Variants in ENO3 observed in about 807,000 individuals in gnomAD.
The protein encoded by ENO3 is beta-enolase.
In ENO3, 46 loss-of-function variants were observed where a neutral mutation model predicts 47.7. The observed-to-expected ratio is 0.96, with a 90% CI of 0.76 to 1.23. The LOEUF (loss-of-function observed/expected upper bound fraction) is 1.23. Ranked by LOEUF, ENO3 falls within the 50% of genes most tolerant of loss-of-function variation. ENO3 has a pLI of 0.00. For missense variants in ENO3, 575 were observed against 566.2 expected (o/e 1.02, Z -0.16); for synonymous variants, 223 against 225.9 (o/e 0.99, Z 0.11).
At chr17:4,949,846 C>T (rs1971489526), upstream of ENO3, among the ~76,000 whole-genome samples, 2 of 152,168 alleles carry the variant, frequency 1.3e-5, no homozygotes, top group Admixed American at 1.3e-4. Context: ...CCTCGACAGC[C>T]GCGCGGCTGA....
intron 1 of ENO3, chr17:4,951,618 C>T (rs1971541521): frequency 3.4e-6 from 2 of 580,594 alleles, no homozygotes; most frequent in Non-Finnish European, 6.2e-6. Flanking sequence ...ATAAGAGGCC[C>T]CTGGATTCTT....
At chr17:4,951,995 C>T in intron 2 of ENO3, 81 bp downstream of exon 2, 1 of 1,443,312 alleles carries the variant, frequency 6.9e-7, no homozygotes. Flanking sequence ...GTGCCATATC[C>T]TCTCCTTTCT....
chr17:4,956,806 C>T, intron 10 of ENO3, 25 bp from the exon 11 acceptor site: 3 of 1,614,218 alleles, frequency 1.9e-6, no homozygotes, highest in South Asian at 1.1e-5. Flanking sequence ...TCACCTAACC[C>T]TCCAAATTCT....
In ENO3 at chr17:4,951,156, T is replaced by G; in HGVS notation, c.-29T>G. The G allele has an allele frequency of 2.0e-6, 2 of 989,626 alleles. No homozygotes were observed. Among genetic ancestry groups the G allele is most frequent in the Non-Finnish European group, 1.2e-6 (1 of 832,446 alleles). 61.3% of individuals were successfully genotyped at this position (989,626 alleles called of 1,614,324 possible). A position where few individuals can be genotyped will look rare whatever the true frequency, so the allele number is the denominator to read the frequency against. On this transcript the variant is annotated 5_prime_UTR_variant, in exon 1 of 12. Coordinates refer to ENST00000519602, the MANE Select transcript of ENO3 (RefSeq NM_053013.4). ...GCTGCCACCTAGACTCGGAGCTCCA[T>G]CCAAACCTCCAGCGAAGACATCCCA...
intron 2 of ENO3, 96 bp downstream of exon 2, chr17:4,952,010 G>A: frequency 7.2e-7 from 1 of 1,382,820 alleles, no homozygotes; most frequent in Non-Finnish European, 1.0e-6. Flanking sequence ...CTTTCTCTCG[G>A]GTTCCCTTTC....
Position 4,955,952 on chromosome 17 carries a change from C to T in ENO3, c.876C>T (p.Ile292=), listed in dbSNP as rs759470373. ...TCCAAACCCCACCAGTGGTCTCCAT[C>T]GAAGACCCCTTTGACCAGGATGACT... The part of the protein sequence containing the change: ...SFIKNYPVVS[I]EDPFDQDDWA... The change falls in exon 9 of 12, where the codon ATC becomes ATT. Residue 292 remains isoleucine, a synonymous_variant. Coordinates refer to ENST00000519602, the MANE Select transcript of ENO3 (RefSeq NM_053013.4). 5.6e-6 allele frequency: 9 copies of T among 1,613,322 alleles called. No homozygotes were observed. Among genetic ancestry groups the T allele is most frequent in the South Asian group, 3.3e-5 (3 of 91,010 alleles).
At chr17:4,953,182 C>T (rs868413211) in intron 4 of ENO3, 73 bp downstream of exon 4, 16 of 1,612,612 alleles carry the variant, frequency 9.9e-6, no homozygotes, top group Middle Eastern at 3.3e-4. Flanking sequence ...AGGCCTCTCC[C>T]GAAACATTTT....
chr17:4,955,182 T>G lies in ENO3; in HGVS notation c.552T>G (p.Ile184Met). Residue 184 changes from isoleucine to methionine, a missense_variant, in exon 7 of 12, where the codon ATT becomes ATG. Physicochemically the swap from Ile to Met is conservative, Grantham distance 10 (BLOSUM62 1). Coordinates refer to ENST00000519602, the MANE Select transcript of ENO3 (RefSeq NM_053013.4). ...GASSFKEAMR[I>M]GAEVYHHLKG... ...GCTCCTTCAAGGAAGCCATGCGCAT[T>G]GGCGCCGAGGTCTACCACCACCTCA... is the stretch of plus-strand genomic sequence containing the variant. 1 of 1,614,200 alleles carries G rather than the reference T, an allele frequency of 6.2e-7. No individual in the cohort carries two copies. Among genetic ancestry groups the G allele is most frequent in the Non-Finnish European group, 8.5e-7 (1 of 1,180,012 alleles).
rs746037313 is a variant in ENO3, at chr17:4,955,188, C to T, written c.558C>T (p.Ala186=). 9.9e-6 allele frequency: 16 copies of T among 1,614,130 alleles called. No homozygotes were observed. The highest frequency in any genetic ancestry group is 4.4e-5 in the South Asian group (4 of 91,092). The part of the protein sequence containing the change: ...SSFKEAMRIG[A]EVYHHLKGVI... Reference sequence around the variant, plus strand: ...TCAAGGAAGCCATGCGCATTGGCGCCGAGGTCTACCACCACCTCAAGGGGG... The same window carrying T: ...TCAAGGAAGCCATGCGCATTGGCGCTGAGGTCTACCACCACCTCAAGGGGG... Residue 186 remains alanine, a synonymous_variant, in exon 7 of 12, where the codon GCC becomes GCT. Transcript: ENST00000519602.
upstream of ENO3, chr17:4,950,611 C>T (rs1488394771): frequency 5.1e-6 from 5 of 985,300 alleles, no homozygotes; most frequent in Non-Finnish European, 6.0e-6. Context: ...CGAGAATGGC[C>T]GTTATGAGGA....
intron 9 of ENO3, 107 bp downstream of exon 9, chr17:4,956,250 C>A: frequency 1.5e-6 from 2 of 1,325,696 alleles, no homozygotes; most frequent in South Asian, 1.2e-5. Context: ...TTTCCCCTGG[C>A]ACCTGACTTA....
upstream of ENO3, chr17:4,949,325 G>A (rs1198335419): frequency 6.6e-6 from 1 of 152,286 alleles, no homozygotes; most frequent in Non-Finnish European, 1.5e-5. Context: ...TCTCAGTCTA[G>A]AGGATTGTCC....
intron 5 of ENO3, 116 bp from the exon 6 acceptor site, chr17:4,953,596 A>T: frequency 6.3e-7 from 1 of 1,583,136 alleles, no homozygotes; most frequent in Middle Eastern, 1.7e-4. Context: ...TGTTGGGGAG[A>T]GATCTGTTAA....
chr17:4,956,054 G>A lies in ENO3; in HGVS notation c.978G>A (p.Lys326=). 6.2e-7 allele frequency: 1 copy of A among 1,614,030 alleles called. No individual in the cohort carries two copies. The highest frequency in any genetic ancestry group is 8.5e-7 in the Non-Finnish European group (1 of 1,180,008). ...ATGACTTGACAGTCACCAACCCCAA[G>A]AGGATTGCCCAGGCCGTTGAGAAGA... is the stretch of plus-strand genomic sequence containing the variant. ...VGDDLTVTNP[K]RIAQAVEKKA... Residue 326 remains lysine, a synonymous_variant, in exon 9 of 12, where the codon AAG becomes AAA. Coordinates refer to ENST00000519602, the MANE Select transcript of ENO3 (RefSeq NM_053013.4).
chr17:4,953,011 A>G (rs1040901145), intron 3 of ENO3, 40 bp from the exon 4 acceptor site: 4 of 1,613,740 alleles, frequency 2.5e-6, no homozygotes, highest in Non-Finnish European at 3.4e-6. Flanking sequence ...AAAGGGGCCC[A>G]GTTGATTGAG....
At chr17:4,949,777 G>A (rs527463457), upstream of ENO3, among the ~76,000 whole-genome samples, 144 of 152,236 alleles carry the variant, frequency 9.5e-4, 1 homozygote, top group Non-Finnish European at 1.8e-3. Context: ...CGAGCGCGGC[G>A]CGCATCCCTG....
Position 4,951,926 on chromosome 17 carries a change from C to G in ENO3, c.85+12C>G, listed in dbSNP as rs1971552617. Reference sequence around the variant, plus strand: ...GCACACGGCCAAGGGTAACACAAGGCCCATTGGATAGGCTCGCCTCCGAAG... The same window carrying G: ...GCACACGGCCAAGGGTAACACAAGGGCCATTGGATAGGCTCGCCTCCGAAG... On this transcript the variant is annotated intron_variant, in intron 2 of 11. Coordinates refer to ENST00000519602, the MANE Select transcript of ENO3 (RefSeq NM_053013.4). 1 of 1,613,912 alleles carries G rather than the reference C, an allele frequency of 6.2e-7. No homozygotes were observed. Among genetic ancestry groups the G allele is most frequent in the South Asian group, 1.1e-5 (1 of 91,082 alleles).
chr17:4,950,778 C>T (rs1971517509), upstream of ENO3: 2 of 769,260 alleles, frequency 2.6e-6, no homozygotes, highest in South Asian at 1.2e-4. Flanking sequence ...GCTCAGGTTA[C>T]CCCTGGCCTT....
In ENO3 at chr17:4,955,994, C is replaced by T; in HGVS notation, c.918C>T (p.Ser306=). ...AGGATGACTGGGCCACTTGGACCTC[C>T]TTCCTCTCGGGGGTGAACATCCAGA... ...FDQDDWATWT[S]FLSGVNIQIV... Residue 306 remains serine, a synonymous_variant, in exon 9 of 12, where the codon TCC becomes TCT. Coordinates refer to ENST00000519602, the MANE Select transcript of ENO3 (RefSeq NM_053013.4). The T allele has an allele frequency of 6.2e-7, 1 of 1,614,034 alleles. No individual in the cohort carries two copies. Among genetic ancestry groups the T allele is most frequent in the Non-Finnish European group, 8.5e-7 (1 of 1,179,988 alleles).
Sources: allele counts gnomAD v4.1 joint callset (sites outside exome capture counted in the v4.1 genomes callset), GRCh38; gene constraint gnomAD v4.1.1; transcripts MANE v1.5; gene names NCBI Gene and HGNC (gene_info 2026-07-23, HGNC 2026-07-21).